Variants in HOGA1 observed in about 807,000 individuals in gnomAD.
HOGA1 encodes 4-hydroxy-2-oxoglutarate aldolase 1, also known as 4-hydroxy-2-oxoglutarate aldolase, mitochondrial.
A neutral mutation model predicts 34.3 loss-of-function variants in HOGA1; 30 were observed. That is an observed-to-expected ratio of 0.87 (90% CI 0.65 to 1.19). The LOEUF (loss-of-function observed/expected upper bound fraction) is 1.19. HOGA1 is among the 50% of genes most tolerant of loss of function. HOGA1 has a pLI of 0.00. For synonymous variants in HOGA1, 161 were observed against 174.0 expected (o/e 0.93, Z 0.59); for missense variants, 417 against 436.5 (o/e 0.96, Z 0.40).
chr10:97,606,250 G>A (rs559373545), intron 6 of HOGA1, among the ~76,000 whole-genome samples: 4 of 151,202 alleles, frequency 2.6e-5, no homozygotes, highest in East Asian at 1.9e-4. Context: ...GCAGTGAGCC[G>A]AGATCATGCC....
chr10:97,606,299 A>AG (rs932431255), intron 6 of HOGA1, among the ~76,000 whole-genome samples: 18 of 151,550 alleles, frequency 1.2e-4, no homozygotes, highest in African/African-American at 4.4e-4. Context: ...ACTCCATCTC[A>AG]GGGAAAAAAA....
chr10:97,604,314 C>T (rs1346431622), intron 6 of HOGA1, among the ~76,000 whole-genome samples: 1 of 152,064 alleles, frequency 6.6e-6, no homozygotes, highest in African/African-American at 2.4e-5. Context: ...TGCCGTACCA[C>T]AGCATGTTTA....
In HOGA1 at chr10:97,590,346, T is replaced by C. The variant is rs76383275; in HGVS notation, c.211+5432T>C. The C allele has an allele frequency of 1.6e-3, 2,615 of 1,613,946 alleles. 41 individuals carry two copies. The African/African-American group carries it at 0.031, about 19-fold the overall frequency. Reference sequence around the variant, plus strand: ...GCTCACTCCATGCTGCAGCGGGCCATAGCTTACCAGCACTCAGGTCACCTA... The same window carrying C: ...GCTCACTCCATGCTGCAGCGGGCCACAGCTTACCAGCACTCAGGTCACCTA... On this transcript the variant is annotated intron_variant, in intron 1 of 6. Coordinates refer to ENST00000370646, the MANE Select transcript of HOGA1 (RefSeq NM_138413.4).
intron 6 of HOGA1, chr10:97,602,273 C>T (rs762770421): frequency 8.8e-5 from 123 of 1,395,704 alleles, no homozygotes; most frequent in Non-Finnish European, 1.1e-4. Context: ...TTGAAACAAA[C>T]ATCCTGTGTG....
intron 1 of HOGA1, among the ~76,000 whole-genome samples, chr10:97,598,451 C>A (rs1352238891): frequency 6.6e-6 from 1 of 152,182 alleles, no homozygotes; most frequent in Admixed American, 6.5e-5. Context: ...CAGCAAACTG[C>A]AGAAGGCTAT....
At chr10:97,586,733 C>A (rs1402072062) in intron 1 of HOGA1, among the ~76,000 whole-genome samples, 1 of 152,180 alleles carries the variant, frequency 6.6e-6, no homozygotes, top group Non-Finnish European at 1.5e-5. Context: ...CCTTCTGGGC[C>A]ACCCACCCAC....
In HOGA1 at chr10:97,598,592, G is replaced by A. The variant is rs527835157; in HGVS notation, c.212-183G>A. Among the ~76,000 whole-genome samples, 184 of 152,346 alleles carry A rather than the reference G, an allele frequency of 1.2e-3. 1 individual carries two copies. Among genetic ancestry groups the A allele is most frequent in the Admixed American group, 2.9e-3 (44 of 15,298 alleles). On this transcript the variant is annotated intron_variant, in intron 1 of 6. Coordinates refer to ENST00000370646, the MANE Select transcript of HOGA1 (RefSeq NM_138413.4). The stretch of plus-strand genomic sequence containing the variant: ...ACTGCATCCCAGCCTGGGCAACAGA[G>A]TGAGACCCTGTGTCTAAAAAAGAAA...
chr10:97,597,388 A>ATT (rs113111499), intron 1 of HOGA1, among the ~76,000 whole-genome samples: 1 of 148,926 alleles, frequency 6.7e-6, no homozygotes, highest in African/African-American at 2.5e-5. Context: ...AACTACTGCC[A>ATT]TTTTTTTTTT....
intron 1 of HOGA1, among the ~76,000 whole-genome samples, chr10:97,588,140 T>A (rs773025835): frequency 2.0e-5 from 3 of 152,098 alleles, no homozygotes; most frequent in African/African-American, 7.2e-5. Context: ...AAAATCTTTT[T>A]AGCATTGCTA....
intron 6 of HOGA1, among the ~76,000 whole-genome samples, chr10:97,606,400 G>A (rs1242101207): frequency 2.6e-5 from 4 of 152,014 alleles, no homozygotes; most frequent in African/African-American, 7.2e-5. Flanking sequence ...ATAAGTCTGT[G>A]ACTCATTTTG....
At position 97,611,948 on chromosome 10, in the gene HOGA1, C is replaced by T. The variant is rs540860054; in HGVS notation, c.*289C>T. ...TCTTTCTACTGTGGATGCTTTCCTACGCCCTGAGGCACATGAAGTCAGAAA... is the reference window on the plus strand; with the variant it reads ...TCTTTCTACTGTGGATGCTTTCCTATGCCCTGAGGCACATGAAGTCAGAAA... On this transcript the variant is annotated 3_prime_UTR_variant, in exon 7 of 7. Transcript: ENST00000370646. 83 of 429,094 alleles carry T rather than the reference C, an allele frequency of 1.9e-4. No individual in the cohort carries two copies. The highest frequency in any genetic ancestry group is 8.4e-4 in the Admixed American group (22 of 26,310). The allele number at this position is 429,094 out of a possible 1,614,324, so 26.6% of individuals were successfully genotyped here. A position where few individuals can be genotyped will look rare whatever the true frequency, so the allele number is the denominator to read the frequency against.
rs757755955 is a variant in HOGA1 at position 97,601,829 on chromosome 10, C to G, written c.701-28C>G. On this transcript the variant is annotated intron_variant, in intron 5 of 6. Coordinates refer to ENST00000370646, the MANE Select transcript of HOGA1 (RefSeq NM_138413.4). ...GATGCCTGGAGGGGAGAGGCTCTGG[C>G]TGATGTTCTGCGTCTTACTTCGTGC... 2.5e-6 allele frequency: 4 copies of G among 1,611,824 alleles called. No homozygotes were observed. In the South Asian group the frequency reaches 4.4e-5, roughly 18 times the overall value.
chr10:97,590,203 G>A, intron 1 of HOGA1: 1 of 1,613,902 alleles, frequency 6.2e-7, no homozygotes, highest in Non-Finnish European at 8.5e-7. Flanking sequence ...AGACATCTGG[G>A]CCCTCAGTGA....
intron 1 of HOGA1, among the ~76,000 whole-genome samples, chr10:97,591,931 C>T (rs996967839): frequency 2.6e-5 from 4 of 151,010 alleles, no homozygotes; most frequent in Non-Finnish European, 5.9e-5. Flanking sequence ...CTCTGCCTCC[C>T]GGGTTCATGC....
intron 6 of HOGA1, among the ~76,000 whole-genome samples, chr10:97,609,299 A>G (rs17108161): frequency 0.016 from 2,460 of 152,062 alleles, 60 homozygotes; most frequent in African/African-American, 0.055. Flanking sequence ...TAATATTAGC[A>G]GTGTTTTTCT....
At chr10:97,598,310 G>T (rs1235132579) in intron 1 of HOGA1, among the ~76,000 whole-genome samples, 1 of 152,168 alleles carries the variant, frequency 6.6e-6, no homozygotes, top group East Asian at 1.9e-4. Context: ...CATTCTAAAT[G>T]CTCTCAACAA....
At chr10:97,602,473 C>G (rs941224723) in intron 6 of HOGA1, 1 of 985,224 alleles carries the variant, frequency 1.0e-6, no homozygotes. Flanking sequence ...AGACTGTATA[C>G]CCCAATTCTT....
chr10:97,587,751 C>T (rs1179925923), intron 1 of HOGA1, among the ~76,000 whole-genome samples: 6 of 152,098 alleles, frequency 3.9e-5, no homozygotes, highest in South Asian at 2.1e-4. Flanking sequence ...CACGGTCCGC[C>T]GGCCTCGGCC....
At position 97,587,446 on chromosome 10, in the gene HOGA1, G is replaced by A. The variant is rs1043168652; in HGVS notation, c.211+2532G>A. Among the ~76,000 whole-genome samples, 2 of 152,258 alleles carry A rather than the reference G, an allele frequency of 1.3e-5. 1 individual carries two copies. The highest frequency in any genetic ancestry group is 3.9e-4 in the East Asian group (2 of 5,182). On this transcript the variant is annotated intron_variant, in intron 1 of 6. Transcript: ENST00000370646. Reference sequence around the variant, plus strand: ...TATTAAAACAAATAAATAGGAGGTGGAAAGCTGCCCTGGATGAATCAGTGA... The same window carrying A: ...TATTAAAACAAATAAATAGGAGGTGAAAAGCTGCCCTGGATGAATCAGTGA...
Sources: allele counts gnomAD v4.1 joint callset (sites outside exome capture counted in the v4.1 genomes callset), GRCh38; gene constraint gnomAD v4.1.1; transcripts MANE v1.5; gene names NCBI Gene and HGNC (gene_info 2026-07-23, HGNC 2026-07-21).